The following CNTNAP2 variants were observed in gnomAD, a reference collection of about 807,000 sequenced individuals.
CNTNAP2 encodes the protein contactin associated protein 2, also known as contactin-associated protein-like 2.
Under a neutral mutation model 155.2 loss-of-function variants are expected in CNTNAP2, and 98 were observed. The observed-to-expected ratio is 0.63, with a 90% CI of 0.54 to 0.75. The LOEUF (loss-of-function observed/expected upper bound fraction) is 0.75, where lower values mean the gene tolerates loss of function less well. CNTNAP2 is among the 30% of genes least tolerant of loss of function. The pLI, the probability that CNTNAP2 is intolerant of heterozygous loss-of-function variation, is 0.00. For synonymous variants in CNTNAP2, 651 were observed against 631.2 expected (o/e 1.03, Z -0.47); for missense variants, 1,727 against 1,688.1 (o/e 1.02, Z -0.40).
rs79290671 is a variant in CNTNAP2 at position 146,816,652 on chromosome 7, G to A, written c.209-23059G>A. Reference sequence around the variant, plus strand: ...AACATGTCAGTTTGTTTCTTGTTTGGTTGGTTTGCTTTTAAACAGTAGGAT... The same window carrying A: ...AACATGTCAGTTTGTTTCTTGTTTGATTGGTTTGCTTTTAAACAGTAGGAT... On this transcript the variant is annotated intron_variant, in intron 2 of 23. Coordinates refer to ENST00000361727, the MANE Select transcript of CNTNAP2 (RefSeq NM_014141.6). Among the ~76,000 whole-genome samples the A allele has an allele frequency of 4.8e-3, 730 of 152,224 alleles. 10 individuals carry two copies. Among genetic ancestry groups the A allele is most frequent in the African/African-American group, 0.017 (688 of 41,550 alleles).
intron 8 of CNTNAP2, among the ~76,000 whole-genome samples, chr7:147,145,412 AGGACAATACC>A (rs1045344000): frequency 6.6e-6 from 1 of 152,146 alleles, no homozygotes; most frequent in Non-Finnish European, 1.5e-5. Flanking sequence ...TGCAAAGCAC[AGGACAATACC>A]TACCCACCTG....
chr7:147,402,924 C>CT, intron 10 of CNTNAP2, among the ~76,000 whole-genome samples: 1 of 149,676 alleles, frequency 6.7e-6, no homozygotes, highest in Non-Finnish European at 1.5e-5. Flanking sequence ...GAACCCTCCC[C>CT]TTAGCCAAAG....
At chr7:146,497,325 C>T (rs749989421) in intron 1 of CNTNAP2, among the ~76,000 whole-genome samples, 12 of 151,984 alleles carry the variant, frequency 7.9e-5, no homozygotes, top group Non-Finnish European at 1.8e-4. Flanking sequence ...GTTTATCTAT[C>T]TATATCTGTG....
intron 1 of CNTNAP2, among the ~76,000 whole-genome samples, chr7:146,151,655 T>C (rs867991432): frequency 0.065 from 1,927 of 29,762 alleles, 70 homozygotes; most frequent in African/African-American, 0.17. Flanking sequence ...TATATATATA[T>C]ATATATATAT....
At chr7:146,963,201 C>A (rs550152314) in intron 3 of CNTNAP2, 1 of 152,232 alleles carries the variant, frequency 6.6e-6, no homozygotes, top group East Asian at 1.9e-4. Flanking sequence ...TAAAAATGAT[C>A]GACAAAAGTT....
intron 1 of CNTNAP2, among the ~76,000 whole-genome samples, chr7:146,288,975 T>C (rs904030337): frequency 6.6e-6 from 1 of 151,920 alleles, no homozygotes; most frequent in African/African-American, 2.4e-5. Flanking sequence ...GGCTAATTTT[T>C]GTATTTTTAG....
intron 1 of CNTNAP2, among the ~76,000 whole-genome samples, chr7:146,491,385 AC>A (rs1379134014): frequency 3.3e-5 from 5 of 151,888 alleles, no homozygotes; most frequent in South Asian, 4.2e-4. Context: ...CAAAAAAAAA[AC>A]AACATGATCC....
At chr7:146,655,545 T>G (rs962785617) in intron 1 of CNTNAP2, among the ~76,000 whole-genome samples, 3 of 152,084 alleles carry the variant, frequency 2.0e-5, no homozygotes, top group Admixed American at 6.6e-5. Flanking sequence ...AATGAATATA[T>G]TTTCCATTCT....
intron 1 of CNTNAP2, among the ~76,000 whole-genome samples, chr7:146,528,604 T>C (rs1288610392): frequency 6.6e-6 from 1 of 152,114 alleles, no homozygotes; most frequent in Non-Finnish European, 1.5e-5. Context: ...AAACCAGGAA[T>C]AGAGAGATTG....
chr7:146,405,278 T>C (rs1375279409), intron 1 of CNTNAP2, among the ~76,000 whole-genome samples: 2 of 152,146 alleles, frequency 1.3e-5, no homozygotes, highest in Admixed American at 1.3e-4. Flanking sequence ...GACTTGGGTC[T>C]CTCTCACTGG....
At chr7:146,625,383 G>A (rs994193684) in intron 1 of CNTNAP2, among the ~76,000 whole-genome samples, 3 of 151,854 alleles carry the variant, frequency 2.0e-5, no homozygotes, top group Non-Finnish European at 4.4e-5. Context: ...TGAGTTATGA[G>A]ACCAGAAATG....
chr7:147,055,425 G>A (rs1799542292), intron 4 of CNTNAP2, among the ~76,000 whole-genome samples: 1 of 152,124 alleles, frequency 6.6e-6, no homozygotes, highest in Admixed American at 6.5e-5. Flanking sequence ...GAACTATGCA[G>A]TGTGTATCAG....
rs1466254718 is a variant in CNTNAP2, at chr7:146,242,179, G to A, written c.97+125206G>A. Among the ~76,000 whole-genome samples the A allele has an allele frequency of 1.3e-5, 2 of 152,010 alleles. 1 individual carries two copies. Among genetic ancestry groups the A allele is most frequent in the South Asian group, 4.1e-4 (2 of 4,824 alleles). On this transcript the variant is annotated intron_variant, in intron 1 of 23. Coordinates refer to ENST00000361727, the MANE Select transcript of CNTNAP2 (RefSeq NM_014141.6). The stretch of plus-strand genomic sequence containing the variant: ...CACTGAACTGGTGATAAAATACCAG[G>A]TATAAAACTGACAATCTATCCAAAT...
chr7:147,480,807 C>T (rs1457372978), intron 10 of CNTNAP2, among the ~76,000 whole-genome samples: 1 of 152,186 alleles, frequency 6.6e-6, no homozygotes, highest in African/African-American at 2.4e-5. Flanking sequence ...TAGAGCCTTG[C>T]TATTCCAACC....
At chr7:147,425,135 ATTT>A (rs3053208) in intron 10 of CNTNAP2, among the ~76,000 whole-genome samples, 3 of 146,868 alleles carry the variant, frequency 2.0e-5, no homozygotes, top group East Asian at 2.0e-4. Context: ...TGCAAGTGGA[ATTT>A]TTTTTTTTTT....
At chr7:147,346,728 G>T in intron 9 of CNTNAP2, among the ~76,000 whole-genome samples, 2 of 152,246 alleles carry the variant, frequency 1.3e-5, no homozygotes, top group South Asian at 4.1e-4. Flanking sequence ...CTGACATTTT[G>T]TTTCTTCTTT....
chr7:148,360,901 C>T (rs1373440945), intron 21 of CNTNAP2, among the ~76,000 whole-genome samples: 1 of 151,872 alleles, frequency 6.6e-6, no homozygotes, highest in Non-Finnish European at 1.5e-5. Context: ...CCTCTGCCCC[C>T]CAGATTCAAG....
At chr7:146,691,710 C>G (rs142545577) in intron 1 of CNTNAP2, among the ~76,000 whole-genome samples, 4 of 152,164 alleles carry the variant, frequency 2.6e-5, no homozygotes, top group Admixed American at 1.3e-4. Context: ...GAGCCAGGTT[C>G]GTAATTCTAC....
chr7:148,380,072 A>C (rs1799019758), intron 21 of CNTNAP2, among the ~76,000 whole-genome samples: 1 of 152,060 alleles, frequency 6.6e-6, no homozygotes, highest in African/African-American at 2.4e-5. Context: ...TTATGAATAT[A>C]AGACATTAAC....
Sources: allele counts gnomAD v4.1 joint callset (sites outside exome capture counted in the v4.1 genomes callset), GRCh38; gene constraint gnomAD v4.1.1; transcripts MANE v1.5; gene names NCBI Gene and HGNC (gene_info 2026-07-23, HGNC 2026-07-21).